The following TNIK variants were observed in gnomAD, a reference collection of about 807,000 sequenced individuals.
TNIK encodes TRAF2 and NCK-interacting protein kinase.
A neutral mutation model predicts 191.3 loss-of-function variants in TNIK; 49 were observed. That is an observed-to-expected ratio of 0.26 (90% confidence interval 0.20 to 0.32). The LOEUF is 0.32. Among genes scored for constraint, TNIK ranks in the 10% least tolerant of loss-of-function variants. The pLI is 1.00. For synonymous variants in TNIK, 594 were observed against 600.9 expected (o/e 0.99, Z 0.17); for missense variants, 1,155 against 1,702.3 (o/e 0.68, Z 5.66).
intron 2 of TNIK, among the ~76,000 whole-genome samples, chr3:171,338,069 T>C (rs1180702932): frequency 6.6e-6 from 1 of 152,224 alleles, no homozygotes; most frequent in East Asian, 1.9e-4. Flanking sequence ...CAGGCTCTTC[T>C]ACGTGGACCT....
intron 1 of TNIK, among the ~76,000 whole-genome samples, chr3:171,384,181 A>G (rs1301737477): frequency 6.6e-6 from 1 of 152,202 alleles, no homozygotes; most frequent in African/African-American, 2.4e-5. Flanking sequence ...ATTACACTCC[A>G]TTAGAGTAAA....
At chr3:171,346,013 G>A (rs1712126513) in intron 2 of TNIK, among the ~76,000 whole-genome samples, 2 of 152,136 alleles carry the variant, frequency 1.3e-5, no homozygotes, top group South Asian at 4.1e-4. Flanking sequence ...AAGGGGAACA[G>A]GGAATGGAGA....
At chr3:171,142,419 C>A (rs1002328904) in intron 12 of TNIK, among the ~76,000 whole-genome samples, 10 of 152,218 alleles carry the variant, frequency 6.6e-5, no homozygotes, top group African/African-American at 2.4e-4. Flanking sequence ...TAAAGACTAA[C>A]AACTATACAG....
At chr3:171,065,285 C>T (rs1718286684) in intron 32 of TNIK, among the ~76,000 whole-genome samples, 2 of 152,162 alleles carry the variant, frequency 1.3e-5, no homozygotes, top group Non-Finnish European at 1.5e-5. Context: ...CTACTGTCCA[C>T]CCAGACCACA....
intron 1 of TNIK, among the ~76,000 whole-genome samples, chr3:171,443,105 T>C (rs1188284730): frequency 6.6e-6 from 1 of 152,218 alleles, no homozygotes; most frequent in African/African-American, 2.4e-5. Flanking sequence ...GAAAACTGAG[T>C]ACTCTCTAAC....
In TNIK at chr3:171,060,965, A is replaced by G. The variant is rs1402928251; in HGVS notation, c.*2916T>C. Among the ~76,000 whole-genome samples the G allele has an allele frequency of 6.6e-6, 1 of 152,186 alleles. No individual in the cohort carries two copies. Among genetic ancestry groups the G allele is most frequent in the Admixed American group, 6.6e-5 (1 of 15,266 alleles). ...TTTCTCTTTGTAGGAAAATAAAAAT[A>G]AAATGAGCCAATTTCTAGAGACAAA... On this transcript the variant is annotated 3_prime_UTR_variant, in exon 33 of 33. Coordinates refer to ENST00000436636, the MANE Select transcript of TNIK (RefSeq NM_015028.4).
chr3:171,208,013 G>C (rs1233139418), intron 4 of TNIK, among the ~76,000 whole-genome samples: 1 of 152,184 alleles, frequency 6.6e-6, no homozygotes, highest in African/African-American at 2.4e-5. Flanking sequence ...AGCAGCAGCA[G>C]AAAGGGTTCA....
At chr3:171,224,871 T>C (rs1742783389) in intron 3 of TNIK, among the ~76,000 whole-genome samples, 1 of 152,162 alleles carries the variant, frequency 6.6e-6, no homozygotes, top group African/African-American at 2.4e-5. Context: ...TAAGCACAAA[T>C]TCTGAAGCAA....
chr3:171,114,607 A>T (rs1204525277), intron 18 of TNIK, among the ~76,000 whole-genome samples: 1 of 152,254 alleles, frequency 6.6e-6, no homozygotes, highest in Non-Finnish European at 1.5e-5. Context: ...ACGTATGTAC[A>T]AATAAATATG....
At chr3:171,291,930 G>A (rs61794367) in intron 2 of TNIK, among the ~76,000 whole-genome samples, 39,770 of 151,908 alleles carry the variant, frequency 0.26, 5,386 homozygotes, top group Non-Finnish European at 0.3. Context: ...CTTTATCTCC[G>A]TTATTCATCA....
At chr3:171,099,353 G>A (rs193123957) in intron 22 of TNIK, among the ~76,000 whole-genome samples, 2 of 149,318 alleles carry the variant, frequency 1.3e-5, no homozygotes, top group Admixed American at 6.8e-5. Flanking sequence ...CCCCCTGCTT[G>A]GGATTCTAAT....
At chr3:171,326,705 A>G (rs1157010198) in intron 2 of TNIK, among the ~76,000 whole-genome samples, 1 of 152,206 alleles carries the variant, frequency 6.6e-6, no homozygotes, top group African/African-American at 2.4e-5. Flanking sequence ...AAAATTCCAG[A>G]TAATGCAAAT....
intron 8 of TNIK, among the ~76,000 whole-genome samples, chr3:171,176,820 C>G (rs1251879740): frequency 6.6e-6 from 1 of 152,228 alleles, no homozygotes; most frequent in African/African-American, 2.4e-5. Context: ...TACTCCAAAT[C>G]TCAAGGAACT....
At position 171,125,993 on chromosome 3, in the gene TNIK, C is replaced by A. The variant is rs13074171; in HGVS notation, c.1932G>T (p.Ser644=). The A allele has an allele frequency of 0.072, 116,111 of 1,613,774 alleles. 4,402 individuals carry two copies. The highest frequency in any genetic ancestry group is 0.12 in the Middle Eastern group (744 of 6,058). The change falls in exon 17 of 33, where the codon TCG becomes TCT. Residue 644 remains serine (S), a synonymous_variant. Transcript: ENST00000436636. Reference sequence around the variant, plus strand: ...TGCGAGTGGGGAGAGGAGGATTTTCCGAGGTGGGATCTGAGTTCTGGCGTG... The same window carrying A: ...TGCGAGTGGGGAGAGGAGGATTTTCAGAGGTGGGATCTGAGTTCTGGCGTG... ...EMPRQNSDPT[S]ENPPLPTRIE...
chr3:171,394,341 T>TCAAG (rs1719962868), intron 1 of TNIK, among the ~76,000 whole-genome samples: 2 of 152,216 alleles, frequency 1.3e-5, no homozygotes, highest in Admixed American at 1.3e-4. Context: ...AGAATTCTGC[T>TCAAG]CAAGTATTGA....
chr3:171,103,249 G>A (rs969577304), intron 21 of TNIK, among the ~76,000 whole-genome samples: 41 of 151,964 alleles, frequency 2.7e-4, no homozygotes, highest in Admixed American at 2.6e-3. Flanking sequence ...TGCTCCATCT[G>A]TGAAAGTGAA....
intron 15 of TNIK, 139 bp downstream of exon 15, chr3:171,138,052 C>A: frequency 1.5e-6 from 1 of 671,628 alleles, no homozygotes; most frequent in East Asian, 3.5e-5. Flanking sequence ...TGTTATAGTT[C>A]TTGCAAAAGC....
intron 18 of TNIK, among the ~76,000 whole-genome samples, chr3:171,114,935 T>C (rs1297707665): frequency 6.7e-6 from 1 of 149,290 alleles, no homozygotes; most frequent in Non-Finnish European, 1.5e-5. Flanking sequence ...TTTTTTAAAA[T>C]AAATAATCTC....
Position 171,110,824 on chromosome 3 carries a change from G to A in TNIK, c.2174C>T (p.Thr725Ile). 1 of 1,605,072 alleles carries A rather than the reference G, an allele frequency of 6.2e-7. No individual in the cohort carries two copies. Among genetic ancestry groups the A allele is most frequent in the East Asian group, 2.2e-5 (1 of 44,664 alleles). Reference sequence around the variant, plus strand: ...GGAGCTGGAGGAACTGCCACTGCTGGTCCTCTGCAAGGGGCTCTCCAAGAT... The same window carrying A: ...GGAGCTGGAGGAACTGCCACTGCTGATCCTCTGCAAGGGGCTCTCCAAGAT... ...EPILESPLQR[T>I]SSGSSSSSST... is the part of the protein sequence containing the mutation. Residue 725 changes from threonine (T) to isoleucine (I), a missense_variant, in exon 19 of 33, where the codon ACC (threonine) becomes ATC (isoleucine). Physicochemically the swap from Thr to Ile is moderately conservative, Grantham distance 89. Around this residue, in one of 3 missense-constraint regions of TNIK, gnomAD observed 735 missense variants for 848.0 expected, o/e 0.87. Transcript: ENST00000436636.
Sources: gnomAD v4.1 joint callset for allele counts (sites outside exome capture counted in the v4.1 genomes callset) on GRCh38, gnomAD v4.1.1 for gene constraint, gnomAD v4.1.1 regional missense constraint, MANE v1.5 for transcripts, NCBI Gene and HGNC (gene_info 2026-07-23, HGNC 2026-07-21) for gene names.